Variants in SRGAP2 observed in about 807,000 individuals in gnomAD.
The protein encoded by SRGAP2 is SLIT-ROBO Rho GTPase-activating protein 2.
Under a neutral mutation model 57.2 loss-of-function variants are expected in SRGAP2, and 15 were observed. That is an observed-to-expected ratio of 0.26 (90% CI 0.18 to 0.40). The LOEUF is 0.40. SRGAP2 is among the 10% of genes least tolerant of loss of function. The pLI is 1.00. For synonymous variants in SRGAP2, 249 were observed against 248.0 expected (o/e 1.00, Z -0.04); for missense variants, 520 against 669.6 (o/e 0.78, Z 2.47).
intron 3 of SRGAP2, among the ~76,000 whole-genome samples, chr1:206,333,759 T>G (rs1174145749): frequency 4.6e-5 from 7 of 152,352 alleles, no homozygotes; most frequent in Admixed American, 3.3e-4. Flanking sequence ...TTGCCCAAAG[T>G]TACCTGGCTA....
At position 206,273,739 on chromosome 1, in the gene SRGAP2, C is replaced by G. The variant is rs1458753613; in HGVS notation, c.68-29542C>G. 5.0e-4 allele frequency among the ~76,000 whole-genome samples: 73 copies of G among 146,976 alleles called. 1 individual carries two copies. Among genetic ancestry groups the G allele is most frequent in the Admixed American group, 2.6e-3 (39 of 15,110 alleles). ...ATTTTGATGACCCTCAGAGTTAAGGCTTCTAGGGGAACTCTTCATTTTCAT... is the reference window on the plus strand; with the variant it reads ...ATTTTGATGACCCTCAGAGTTAAGGGTTCTAGGGGAACTCTTCATTTTCAT... On this transcript the variant is annotated intron_variant, in intron 2 of 22. Transcript: ENST00000573034.
At chr1:206,384,526 G>C (rs1553347906) in intron 5 of SRGAP2, among the ~76,000 whole-genome samples, 1 of 152,134 alleles carries the variant, frequency 6.6e-6, no homozygotes, top group Non-Finnish European at 1.5e-5. Flanking sequence ...AAATGCTCTA[G>C]AGGGCAGCAC....
intron 3 of SRGAP2, among the ~76,000 whole-genome samples, chr1:206,303,884 T>TCA (rs1269235142): frequency 1.5e-4 from 22 of 142,614 alleles, no homozygotes; most frequent in Middle Eastern, 3.6e-3. Context: ...TCTCTCTCTC[T>TCA]CTCTCACACA....
rs969047666 is a variant in SRGAP2, at chr1:206,419,800, G to A, written c.1469+400G>A. On this transcript the variant is annotated intron_variant, in intron 12 of 22. Transcript: ENST00000573034. Reference sequence around the variant, plus strand: ...CCCAGAGAAAGAAGATCAGGAGATGGCATTTGATTTTTTTTTTTTTTTAAT... The same window carrying A: ...CCCAGAGAAAGAAGATCAGGAGATGACATTTGATTTTTTTTTTTTTTTAAT... 9.9e-5 allele frequency among the ~76,000 whole-genome samples: 15 copies of A among 151,740 alleles called. No individual in the cohort carries two copies. In the East Asian group the frequency reaches 2.9e-3, roughly 29 times the overall value.
In SRGAP2 at chr1:206,327,672, T is replaced by C. The variant is rs1482785070; in HGVS notation, c.261-15174T>C. Among the ~76,000 whole-genome samples the C allele has an allele frequency of 6.0e-5, 7 of 116,312 alleles. No homozygotes were observed. The East Asian group carries it at 1.6e-3, about 27-fold the overall frequency. The allele number at this position is 116,312 out of a possible 152,430, so 76.3% of individuals were successfully genotyped here. The stretch of plus-strand genomic sequence containing the variant: ...CTTATCCCATTTATTTATTTATTTT[T>C]TATTTATTTATTTTTTTAAAAGATA... On this transcript the variant is annotated intron_variant, in intron 3 of 22. Transcript: ENST00000573034.
intron 7 of SRGAP2, among the ~76,000 whole-genome samples, 159 bp from the exon 8 acceptor site, chr1:206,401,262 G>A (rs1274936881): frequency 2.0e-5 from 3 of 152,154 alleles, no homozygotes; most frequent in Non-Finnish European, 4.4e-5. Context: ...CAAGAACTGA[G>A]AACTCTCACC....
chr1:206,454,615 C>T lies in SRGAP2; in HGVS notation c.2361-263C>T, dbSNP rs1323085964. The stretch of plus-strand genomic sequence containing the variant: ...GGGTAGAAGGCAGATGCCTCGAATC[C>T]AGGTGTCCCCTAGCCACGCTTTCCT... On this transcript the variant is annotated intron_variant, in intron 20 of 22. Transcript: ENST00000573034. This position sits in a 1 kb window ranked among gnomAD's most constrained non-coding sequence, Gnocchi z 4.3. 3.6e-5 allele frequency: 17 copies of T among 467,176 alleles called. No individual in the cohort carries two copies. Among genetic ancestry groups the T allele is most frequent in the Non-Finnish European group, 3.8e-6 (1 of 265,000 alleles). 28.9% of individuals were successfully genotyped at this position (467,176 alleles called of 1,614,324 possible). A position where few individuals can be genotyped will look rare whatever the true frequency, so the allele number is the denominator to read the frequency against.
chr1:206,412,447 G>C (rs782216346), intron 10 of SRGAP2, among the ~76,000 whole-genome samples: 13 of 152,168 alleles, frequency 8.5e-5, no homozygotes, highest in Non-Finnish European at 1.8e-4. Flanking sequence ...TGAATACCTA[G>C]AATAAAATAT....
chr1:206,439,155 C>T (rs1408031272), intron 16 of SRGAP2, among the ~76,000 whole-genome samples: 2 of 152,152 alleles, frequency 1.3e-5, no homozygotes, highest in South Asian at 2.1e-4. Context: ...CACTCTTCTT[C>T]CTAATCCAGT....
chr1:206,373,117 T>TTA, intron 4 of SRGAP2, among the ~76,000 whole-genome samples: 1 of 126,122 alleles, frequency 7.9e-6, no homozygotes, highest in African/African-American at 3.4e-5. Context: ...TTTTTTTTTT[T>TTA]CTGAGTCTTG....
chr1:206,381,030 C>T (rs1161043302), intron 4 of SRGAP2, among the ~76,000 whole-genome samples: 1 of 152,148 alleles, frequency 6.6e-6, no homozygotes, highest in African/African-American at 2.4e-5. Flanking sequence ...TAAGTGGGCT[C>T]GCTACACATG....
In SRGAP2 at chr1:206,454,768, A is replaced by G; in HGVS notation, c.2361-110A>G. 1.6e-6 allele frequency: 1 copy of G among 621,820 alleles called. No individual in the cohort carries two copies. The highest frequency in any genetic ancestry group is 2.9e-6 in the Non-Finnish European group (1 of 346,224). The allele number at this position is 621,820 out of a possible 1,614,324, so 38.5% of individuals were successfully genotyped here. On this transcript the variant is annotated intron_variant, in intron 20 of 22. Coordinates refer to ENST00000573034, the MANE Select transcript of SRGAP2 (RefSeq NM_015326.5). The surrounding 1 kb of genome is among the most constrained non-coding windows in gnomAD (Gnocchi z 4.3). ...CAGCCAGGTGTCGCTGCTGCCTCAG[A>G]GCTGTGTGGGGTCGCGTGTATGTCG...
chr1:206,448,109 TCC>T (rs1426894802), intron 18 of SRGAP2, among the ~76,000 whole-genome samples: 5 of 152,110 alleles, frequency 3.3e-5, no homozygotes, highest in Non-Finnish European at 7.4e-5. Flanking sequence ...GCCTCTCCTC[TCC>T]CTTCTTTGGG....
chr1:206,346,374 G>A (rs530978451), intron 4 of SRGAP2, among the ~76,000 whole-genome samples: 1 of 152,162 alleles, frequency 6.6e-6, no homozygotes. Flanking sequence ...TACACTGGGG[G>A]CTTCCTTCTG....
At chr1:206,401,825 C>T (rs531416033) in intron 8 of SRGAP2, among the ~76,000 whole-genome samples, 180 bp downstream of exon 8, 2 of 152,184 alleles carry the variant, frequency 1.3e-5, no homozygotes, top group African/African-American at 4.8e-5. Context: ...GTCAGACACT[C>T]GGGCTTGGGT....
At chr1:206,421,765 G>C (rs534615856) in intron 13 of SRGAP2, among the ~76,000 whole-genome samples, 1 of 152,156 alleles carries the variant, frequency 6.6e-6, no homozygotes. Flanking sequence ...GTCTAGGAAC[G>C]ATAGGCAAGG....
At chr1:206,248,683 T>C (rs1430447563) in intron 2 of SRGAP2, among the ~76,000 whole-genome samples, 3 of 152,284 alleles carry the variant, frequency 2.0e-5, no homozygotes, top group South Asian at 2.1e-4. Context: ...ACCGTGGATG[T>C]TGGAATTTAG....
intron 10 of SRGAP2, among the ~76,000 whole-genome samples, chr1:206,409,803 AAAAT>A (rs1245062204): frequency 2.7e-5 from 4 of 149,580 alleles, no homozygotes; most frequent in African/African-American, 9.9e-5. Context: ...GAAAGATTAA[AAAAT>A]AAATAAATCT....
chr1:206,372,964 C>CTTTCTTTCCTTCCTTT (rs1553342935), intron 4 of SRGAP2, among the ~76,000 whole-genome samples: 2 of 23,358 alleles, frequency 8.6e-5, no homozygotes, highest in African/African-American at 2.0e-4. Context: ...TCTTTTCTTT[C>CTTTCTTTCCTTCCTTT]CTTTCTTTCT....
Sources: gnomAD v4.1 joint callset for allele counts (sites outside exome capture counted in the v4.1 genomes callset) on GRCh38, gnomAD v4.1.1 for gene constraint, Gnocchi (gnomAD v3.1) non-coding constraint, MANE v1.5 for transcripts, NCBI Gene and HGNC (gene_info 2026-07-23, HGNC 2026-07-21) for gene names.